The following SH3GL2 variants were observed in gnomAD, a reference collection of about 807,000 sequenced individuals.
SH3GL2 encodes the protein SH3 domain containing GRB2 like 2, endophilin A1.
Under a neutral mutation model 46.0 loss-of-function variants are expected in SH3GL2, and 24 were observed. That is an observed-to-expected ratio of 0.52 (90% CI 0.38 to 0.73). The LOEUF is 0.73. Among genes scored for constraint, SH3GL2 ranks in the 30% least tolerant of loss-of-function variants. SH3GL2 has a pLI of 0.00. For synonymous variants in SH3GL2, 196 were observed against 147.1 expected (o/e 1.33, Z -2.40); for missense variants, 413 against 424.2 (o/e 0.97, Z 0.23).
chr9:17,634,290 C>G (rs1305971313), intron 1 of SH3GL2, among the ~76,000 whole-genome samples: 5 of 152,186 alleles, frequency 3.3e-5, no homozygotes, highest in African/African-American at 1.2e-4. Context: ...TACATATTTT[C>G]TTCTTGTTAC....
chr9:17,693,323 A>G (rs1238751758), intron 1 of SH3GL2, among the ~76,000 whole-genome samples: 1 of 152,126 alleles, frequency 6.6e-6, no homozygotes, highest in African/African-American at 2.4e-5. Flanking sequence ...TCTGCAACAG[A>G]AACCCTACCA....
intron 1 of SH3GL2, among the ~76,000 whole-genome samples, chr9:17,642,665 A>T (rs867322696): frequency 6.6e-6 from 1 of 152,084 alleles, no homozygotes; most frequent in Non-Finnish European, 1.5e-5. Context: ...ATTGTTGCAG[A>T]TGTGCGGTGC....
At chr9:17,702,170 T>C (rs1458792636) in intron 1 of SH3GL2, among the ~76,000 whole-genome samples, 3 of 152,082 alleles carry the variant, frequency 2.0e-5, no homozygotes, top group Non-Finnish European at 4.4e-5. Flanking sequence ...TTGGGAAAGA[T>C]GGATAGTCTG....
At chr9:17,793,642 C>G (rs952855282) in intron 8 of SH3GL2, 145 bp downstream of exon 8, 15 of 735,228 alleles carry the variant, frequency 2.0e-5, no homozygotes, top group Non-Finnish European at 3.3e-5. Context: ...CAGGTAGAAA[C>G]TCTGTTAAAG....
chr9:17,698,093 C>G (rs1821253809), intron 1 of SH3GL2, among the ~76,000 whole-genome samples: 1 of 152,068 alleles, frequency 6.6e-6, no homozygotes, highest in Non-Finnish European at 1.5e-5. Flanking sequence ...CTGAGGTGAT[C>G]CTGCTGATTT....
At chr9:17,708,344 T>C (rs1563821485) in intron 1 of SH3GL2, among the ~76,000 whole-genome samples, 1 of 152,158 alleles carries the variant, frequency 6.6e-6, no homozygotes, top group South Asian at 2.1e-4. Flanking sequence ...ACGCTTTATA[T>C]ATTTCATTTT....
chr9:17,773,534 AT>A (rs1823553588), intron 3 of SH3GL2, among the ~76,000 whole-genome samples: 2 of 152,000 alleles, frequency 1.3e-5, no homozygotes, highest in Admixed American at 1.3e-4. Flanking sequence ...ATATAGATCC[AT>A]TTTTCCCAGC....
intron 1 of SH3GL2, among the ~76,000 whole-genome samples, chr9:17,687,853 A>G (rs999956276): frequency 1.3e-5 from 2 of 152,108 alleles, no homozygotes; most frequent in African/African-American, 2.4e-5. Context: ...GAGGCATACA[A>G]TTTAGAAAGT....
At position 17,579,086 on chromosome 9, in the gene SH3GL2, G is replaced by A. The variant is rs944362217; in HGVS notation, c.-157G>A. 20 of 478,346 alleles carry A rather than the reference G, an allele frequency of 4.2e-5. No homozygotes were observed. The highest frequency in any genetic ancestry group is 6.1e-5 in the Non-Finnish European group (17 of 277,154). The allele number at this position is 478,346 out of a possible 1,614,324, so 29.6% of individuals were successfully genotyped here. A position where few individuals can be genotyped will look rare whatever the true frequency, so the allele number is the denominator to read the frequency against. ...TTGACGTCAGAGTGTTTCTCCGCAAGAGCCCGTGTCCCGCTAGGCTCCGCG... is the reference window on the plus strand; with the variant it reads ...TTGACGTCAGAGTGTTTCTCCGCAAAAGCCCGTGTCCCGCTAGGCTCCGCG... On this transcript the variant is annotated 5_prime_UTR_variant, in exon 1 of 9. Coordinates refer to ENST00000380607, the MANE Select transcript of SH3GL2 (RefSeq NM_003026.5).
intron 1 of SH3GL2, among the ~76,000 whole-genome samples, chr9:17,695,891 C>A (rs1821191788): frequency 6.6e-6 from 1 of 152,092 alleles, no homozygotes; most frequent in East Asian, 1.9e-4. Context: ...TTAGCTCTGA[C>A]CTTAGTAAGT....
Position 17,696,138 on chromosome 9 carries a change from G to C in SH3GL2, c.46-50928G>C, listed in dbSNP as rs146524873. ...TTTCCAGTTCTGAAGTCTGTTCAAA[G>C]TGGGGGCAGCTGGAGGACTCAGGGA... On this transcript the variant is annotated intron_variant, in intron 1 of 8. Coordinates refer to ENST00000380607, the MANE Select transcript of SH3GL2 (RefSeq NM_003026.5). 5.9e-3 allele frequency among the ~76,000 whole-genome samples: 897 copies of C among 152,252 alleles called. 10 individuals are homozygous for C. The highest frequency in any genetic ancestry group is 7.6e-3 in the Non-Finnish European group (520 of 68,016).
intron 1 of SH3GL2, among the ~76,000 whole-genome samples, chr9:17,723,449 C>T (rs1034644233): frequency 6.6e-6 from 1 of 152,084 alleles, no homozygotes; most frequent in Admixed American, 6.5e-5. Flanking sequence ...TTTTATACAT[C>T]TTTCATATAT....
At chr9:17,758,162 C>A (rs376451661) in intron 2 of SH3GL2, among the ~76,000 whole-genome samples, 4 of 152,288 alleles carry the variant, frequency 2.6e-5, no homozygotes, top group African/African-American at 9.6e-5. Flanking sequence ...CCTTTCCCTT[C>A]TCTAGGCCAC....
intron 2 of SH3GL2, among the ~76,000 whole-genome samples, chr9:17,760,200 A>G (rs866173029): frequency 6.6e-6 from 1 of 152,226 alleles, no homozygotes; most frequent in Non-Finnish European, 1.5e-5. Flanking sequence ...GGCACATTTG[A>G]AATTGCATCC....
chr9:17,653,478 G>A (rs886831981), intron 1 of SH3GL2, among the ~76,000 whole-genome samples: 1 of 152,094 alleles, frequency 6.6e-6, no homozygotes, highest in Non-Finnish European at 1.5e-5. Context: ...AAGATACTGT[G>A]TAGGTTGTTT....
chr9:17,691,475 G>A (rs973188236), intron 1 of SH3GL2, among the ~76,000 whole-genome samples: 5 of 152,070 alleles, frequency 3.3e-5, no homozygotes, highest in East Asian at 1.9e-4. Context: ...TTTTTTGGGC[G>A]GCCTACAAAC....
At chr9:17,774,422 G>A (rs1331803279) in intron 3 of SH3GL2, among the ~76,000 whole-genome samples, 1 of 151,896 alleles carries the variant, frequency 6.6e-6, no homozygotes, top group Non-Finnish European at 1.5e-5. Context: ...TCATTGTGAG[G>A]TTTTCATATA....
intron 1 of SH3GL2, among the ~76,000 whole-genome samples, chr9:17,700,908 G>C (rs951311385): frequency 6.6e-6 from 1 of 152,184 alleles, no homozygotes; most frequent in South Asian, 2.1e-4. Context: ...AACCATATCA[G>C]AGTAGCAGAA....
chr9:17,682,218 C>G (rs1422143874), intron 1 of SH3GL2, among the ~76,000 whole-genome samples: 1 of 151,976 alleles, frequency 6.6e-6, no homozygotes, highest in African/African-American at 2.4e-5. Flanking sequence ...AGATATATAC[C>G]CAAAGGATTA....
Sources: gnomAD v4.1 joint callset for allele counts (sites outside exome capture counted in the v4.1 genomes callset) on GRCh38, gnomAD v4.1.1 for gene constraint, MANE v1.5 for transcripts, NCBI Gene and HGNC (gene_info 2026-07-23, HGNC 2026-07-21) for gene names.